Variants in SHISA9 observed in about 807,000 individuals in gnomAD.
SHISA9 encodes the protein shisa family member 9, also known as protein shisa-9.
A neutral mutation model predicts 38.0 loss-of-function variants in SHISA9; 13 were observed. The ratio of observed to expected loss-of-function variants is 0.34; its 90% CI spans 0.22 to 0.54. The LOEUF (loss-of-function observed/expected upper bound fraction) is 0.54, where lower values mean the gene tolerates loss of function less well. Ranked by LOEUF, SHISA9 falls within the 20% of genes least tolerant of loss-of-function variation. The pLI is 0.91. For synonymous variants in SHISA9, 275 were observed against 242.0 expected (o/e 1.14, Z -1.27); for missense variants, 538 against 575.8 (o/e 0.93, Z 0.67).
chr16:13,196,614 A>G (rs1046742454), intron 2 of SHISA9, among the ~76,000 whole-genome samples: 1 of 151,956 alleles, frequency 6.6e-6, no homozygotes, highest in African/African-American at 2.4e-5. Flanking sequence ...AGGAAACTCA[A>G]ATAAAGTGTG....
At chr16:13,148,440 G>A (rs920352465) in intron 2 of SHISA9, among the ~76,000 whole-genome samples, 1 of 151,760 alleles carries the variant, frequency 6.6e-6, no homozygotes, top group Non-Finnish European at 1.5e-5. Context: ...GCACATAACT[G>A]CATCAAAACC....
chr16:12,974,509 G>A (rs758588320), intron 2 of SHISA9, among the ~76,000 whole-genome samples: 33 of 92,518 alleles, frequency 3.6e-4, no homozygotes, highest in Non-Finnish European at 4.3e-4. Context: ...TTTTTTTTCC[G>A]GAGTTTCGCT....
chr16:13,444,982 C>CCATATATATATATATA, the SHISA9 span, among the ~76,000 whole-genome samples: 2 of 106,248 alleles, frequency 1.9e-5, no homozygotes, highest in African/African-American at 6.9e-5. Flanking sequence ...CCATGCCTAG[C>CCATATATATATATATA]TATATATATA....
Position 13,239,427 on chromosome 16 carries a change from G to T in SHISA9, c.*4018G>T, listed in dbSNP as rs796768075. 6 of 151,352 alleles carry T rather than the reference G, an allele frequency of 4.0e-5. No individual in the cohort carries two copies. The South Asian group carries it at 8.4e-4, about 21-fold the overall frequency. The allele number at this position is 151,352 out of a possible 1,614,324, so 9.4% of individuals were successfully genotyped here. A position where few individuals can be genotyped will look rare whatever the true frequency, so the allele number is the denominator to read the frequency against. On this transcript the variant is annotated 3_prime_UTR_variant, in exon 5 of 5. Transcript: ENST00000558583. ...GAATCGCCACACTGACTTCCACAAT[G>T]GTTGAACTAGTTTACAGTCCCACCA...
At chr16:13,496,606 A>G in the SHISA9 span, among the ~76,000 whole-genome samples, 26 of 152,128 alleles carry the variant, frequency 1.7e-4, no homozygotes, top group African/African-American at 5.5e-4. Context: ...TGCTTCCATA[A>G]GATACGATTG....
the SHISA9 span, among the ~76,000 whole-genome samples, chr16:13,360,484 T>A: frequency 6.6e-6 from 1 of 152,306 alleles, no homozygotes; most frequent in Non-Finnish European, 1.5e-5. Flanking sequence ...TGAGATCTGA[T>A]GTTTTTATAA....
At chr16:13,304,051 G>C in the SHISA9 span, among the ~76,000 whole-genome samples, 1 of 152,042 alleles carries the variant, frequency 6.6e-6, no homozygotes, top group South Asian at 2.1e-4. Flanking sequence ...ATGTACAAAA[G>C]GTACCATTTC....
the SHISA9 span, among the ~76,000 whole-genome samples, chr16:13,339,073 G>T: frequency 3.3e-5 from 5 of 151,860 alleles, no homozygotes. Flanking sequence ...AATTTATGGG[G>T]ATTGTCAGTT....
At chr16:12,902,898 C>G in intron 1 of SHISA9, 1 of 390,290 alleles carries the variant, frequency 2.6e-6, no homozygotes, top group Non-Finnish European at 4.5e-6. Context: ...TGGCCGCCTC[C>G]TCCCGCTGGT....
At chr16:13,469,381 G>GA in the SHISA9 span, among the ~76,000 whole-genome samples, 1,110 of 99,584 alleles carry the variant, frequency 0.011, 4 homozygotes, top group Non-Finnish European at 0.012. Context: ...AAGAAAGAAA[G>GA]AAAGAAAGAA....
intron 2 of SHISA9, among the ~76,000 whole-genome samples, chr16:12,957,860 T>G (rs79397471): frequency 0.029 from 4,408 of 152,328 alleles, 187 homozygotes; most frequent in African/African-American, 0.099. Flanking sequence ...TGTCCTTACA[T>G]GATCCAGAGA....
intron 2 of SHISA9, among the ~76,000 whole-genome samples, chr16:13,049,076 C>T (rs1380158479): frequency 6.6e-6 from 1 of 151,902 alleles, no homozygotes; most frequent in Non-Finnish European, 1.5e-5. Context: ...GCTTTGTGTT[C>T]CAGGTTCAGC....
At chr16:13,111,064 A>G (rs1164514036) in intron 2 of SHISA9, among the ~76,000 whole-genome samples, 1 of 152,194 alleles carries the variant, frequency 6.6e-6, no homozygotes, top group Non-Finnish European at 1.5e-5. Context: ...TAAAGACTTA[A>G]ATTTAAGACC....
chr16:13,192,732 G>A (rs918446595), intron 2 of SHISA9, among the ~76,000 whole-genome samples: 3 of 152,008 alleles, frequency 2.0e-5, no homozygotes, highest in Admixed American at 1.3e-4. Flanking sequence ...AAAATTACCC[G>A]GGCGTGGTGG....
the SHISA9 span, among the ~76,000 whole-genome samples, chr16:13,362,656 C>T: frequency 2.6e-5 from 4 of 152,166 alleles, no homozygotes. Flanking sequence ...TTATGAAGCA[C>T]TTCATCCCAT....
intron 2 of SHISA9, among the ~76,000 whole-genome samples, chr16:13,046,646 G>T (rs2073191569): frequency 6.6e-6 from 1 of 152,118 alleles, no homozygotes; most frequent in Non-Finnish European, 1.5e-5. Context: ...GCTCCCTATT[G>T]CTTTAACAAA....
At chr16:13,162,878 C>G (rs957354023) in intron 2 of SHISA9, among the ~76,000 whole-genome samples, 9 of 151,824 alleles carry the variant, frequency 5.9e-5, no homozygotes, top group African/African-American at 2.2e-4. Context: ...TTGAGCACAT[C>G]TTATTTTATC....
the SHISA9 span, among the ~76,000 whole-genome samples, chr16:13,418,127 C>G: frequency 6.6e-6 from 1 of 152,054 alleles, no homozygotes; most frequent in Admixed American, 6.6e-5. Flanking sequence ...ATGTTTATCT[C>G]TGAGAATATG....
intron 3 of SHISA9, among the ~76,000 whole-genome samples, chr16:13,212,822 G>T (rs2051133345): frequency 1.3e-5 from 2 of 152,170 alleles, no homozygotes; most frequent in Non-Finnish European, 2.9e-5. Flanking sequence ...CCCTTTTCAG[G>T]AGGGGGATTG....
Sources: gnomAD v4.1 joint callset for allele counts (sites outside exome capture counted in the v4.1 genomes callset) on GRCh38, gnomAD v4.1.1 for gene constraint, MANE v1.5 for transcripts, NCBI Gene and HGNC (gene_info 2026-07-23, HGNC 2026-07-21) for gene names.